ADAMTS19: variants seen among roughly 807,000 people sequenced by gnomAD.
The protein encoded by ADAMTS19 is A disintegrin and metalloproteinase with thrombospondin motifs 19.
In ADAMTS19, 93 loss-of-function variants were observed where a neutral mutation model predicts 153.3. The observed-to-expected ratio is 0.61, with a 90% confidence interval of 0.51 to 0.72. The LOEUF is 0.72. ADAMTS19 is among the 30% of genes least tolerant of loss of function. The pLI, the probability that ADAMTS19 is intolerant of heterozygous loss-of-function variation, is 0.00. For missense variants in ADAMTS19, 1,482 were observed against 1,552.1 expected (o/e 0.95, Z 0.76); for synonymous variants, 600 against 556.6 (o/e 1.08, Z -1.10).
chr5:129,567,760 A>T (rs1031817301), intron 7 of ADAMTS19, among the ~76,000 whole-genome samples: 16 of 152,070 alleles, frequency 1.1e-4, no homozygotes, highest in African/African-American at 2.9e-4. Flanking sequence ...AGAAAAAAAA[A>T]ATATGACTGA....
rs138738735 is a variant in ADAMTS19, at chr5:129,477,596, T to G, written c.747+15839T>G. Among the ~76,000 whole-genome samples, 24 of 152,370 alleles carry G rather than the reference T, an allele frequency of 1.6e-4. No homozygotes were observed. In the East Asian group the frequency reaches 3.7e-3, roughly 23 times the overall value. ...TACTAAAGCATCCTTGGGGACACCC[T>G]AACACTGCACATTAATATGGTTTAA... On this transcript the variant is annotated intron_variant, in intron 2 of 22. Transcript: ENST00000274487.
intron 3 of ADAMTS19, among the ~76,000 whole-genome samples, chr5:129,518,162 AG>A (rs1386482613): frequency 1.3e-5 from 2 of 151,996 alleles, no homozygotes; most frequent in Non-Finnish European, 2.9e-5. Flanking sequence ...TGTCTTGAAA[AG>A]TTTTTATAGT....
chr5:129,737,347 C>A lies in ADAMTS19; in HGVS notation c.*129C>A. 9.8e-7 allele frequency: 1 copy of A among 1,025,138 alleles called. No individual in the cohort carries two copies. Among genetic ancestry groups the A allele is most frequent in the Non-Finnish European group, 1.3e-6 (1 of 776,428 alleles). The allele number at this position is 1,025,138 out of a possible 1,614,324, so 63.5% of individuals were successfully genotyped here. A position where few individuals can be genotyped will look rare whatever the true frequency, so the allele number is the denominator to read the frequency against. ...TTAATCAAATTAATTTATTTTTTTG[C>A]CTGCCAAACATCCAATGTGGTGCTT... On this transcript the variant is annotated 3_prime_UTR_variant, in exon 23 of 23. Coordinates refer to ENST00000274487, the MANE Select transcript of ADAMTS19 (RefSeq NM_133638.6).
At chr5:129,520,560 G>A (rs552711569) in intron 3 of ADAMTS19, among the ~76,000 whole-genome samples, 1 of 152,124 alleles carries the variant, frequency 6.6e-6, no homozygotes, top group South Asian at 2.1e-4. Flanking sequence ...AACACCTTGA[G>A]GAAGAATTTG....
At chr5:129,633,964 C>T (rs981718337) in intron 10 of ADAMTS19, among the ~76,000 whole-genome samples, 13 of 151,974 alleles carry the variant, frequency 8.6e-5, no homozygotes, top group Admixed American at 3.9e-4. Flanking sequence ...CCAGTTGGCA[C>T]CTAATGTCAG....
intron 6 of ADAMTS19, among the ~76,000 whole-genome samples, chr5:129,541,457 C>T (rs1198576323): frequency 6.6e-6 from 1 of 151,952 alleles, no homozygotes; most frequent in Non-Finnish European, 1.5e-5. Context: ...ATTCTTGACC[C>T]TAAGGTGAAG....
At chr5:129,706,884 AT>A (rs974478302) in intron 21 of ADAMTS19, among the ~76,000 whole-genome samples, 41 of 152,098 alleles carry the variant, frequency 2.7e-4, no homozygotes, top group African/African-American at 9.2e-4. Flanking sequence ...ACTAAAAAAA[AT>A]TTTTTTCAGT....
rs145343559 is a variant in ADAMTS19 at position 129,569,713 on chromosome 5, A to G, written c.1372+17806A>G. ...ATGTTTGGAAAATAACAAATTCTCA[A>G]TAATTTATGGGTTGAATGAAACATT... On this transcript the variant is annotated intron_variant, in intron 7 of 22. Transcript: ENST00000274487. Among the ~76,000 whole-genome samples, 1,109 of 152,224 alleles carry G rather than the reference A, an allele frequency of 7.3e-3. 13 individuals carry two copies. The highest frequency in any genetic ancestry group is 0.025 in the African/African-American group (1,051 of 41,564).
chr5:129,523,766 G>T (rs1247183006), intron 3 of ADAMTS19, among the ~76,000 whole-genome samples: 1 of 151,874 alleles, frequency 6.6e-6, no homozygotes, highest in Non-Finnish European at 1.5e-5. Context: ...GGACATGAAG[G>T]ACCTCTTCAA....
At chr5:129,657,451 C>T (rs1037896262) in intron 14 of ADAMTS19, among the ~76,000 whole-genome samples, 6 of 152,150 alleles carry the variant, frequency 3.9e-5, no homozygotes, top group Admixed American at 3.3e-4. Flanking sequence ...TTATGTAATA[C>T]TACCATTTAT....
intron 10 of ADAMTS19, among the ~76,000 whole-genome samples, chr5:129,639,769 TTC>T (rs1465118543): frequency 3.9e-5 from 6 of 152,204 alleles, no homozygotes; most frequent in African/African-American, 1.4e-4. Context: ...AGAAAAATTC[TTC>T]TTTGAATTTT....
At chr5:129,607,804 T>C (rs542818715) in intron 8 of ADAMTS19, among the ~76,000 whole-genome samples, 1 of 151,812 alleles carries the variant, frequency 6.6e-6, no homozygotes, top group Non-Finnish European at 1.5e-5. Context: ...ATTGTAGTAA[T>C]AGGAATATTT....
chr5:129,702,941 A>AAAAAAAATATATATATATATAT, intron 20 of ADAMTS19, among the ~76,000 whole-genome samples: 4 of 29,306 alleles, frequency 1.4e-4, no homozygotes, highest in African/African-American at 2.6e-4. Context: ...AAAAAAAAAA[A>AAAAAAAATATATATATATATAT]ATATATATAT....
intron 6 of ADAMTS19, among the ~76,000 whole-genome samples, chr5:129,544,536 G>A (rs1017279451): frequency 2.6e-5 from 4 of 152,122 alleles, no homozygotes; most frequent in Non-Finnish European, 4.4e-5. Flanking sequence ...ATCAGAAAAT[G>A]TTCCCATTAT....
intron 7 of ADAMTS19, among the ~76,000 whole-genome samples, chr5:129,568,404 C>T (rs1753787485): frequency 1.3e-5 from 2 of 151,924 alleles, no homozygotes; most frequent in Admixed American, 6.6e-5. Context: ...ATTAAGCTTT[C>T]AATATTCCAT....
chr5:129,666,914 A>T (rs1754078216), intron 16 of ADAMTS19, among the ~76,000 whole-genome samples: 1 of 152,230 alleles, frequency 6.6e-6, no homozygotes, highest in East Asian at 1.9e-4. Context: ...TCTCAATTAT[A>T]CAAAATTCTA....
intron 3 of ADAMTS19, among the ~76,000 whole-genome samples, chr5:129,522,590 C>T (rs922006520): frequency 1.3e-5 from 2 of 151,628 alleles, no homozygotes; most frequent in Non-Finnish European, 2.9e-5. Context: ...GGATTTATTA[C>T]ATATTTTTAA....
intron 7 of ADAMTS19, among the ~76,000 whole-genome samples, chr5:129,569,556 G>T (rs933766611): frequency 6.6e-6 from 1 of 152,000 alleles, no homozygotes; most frequent in Non-Finnish European, 1.5e-5. Flanking sequence ...AAAGGGAAAG[G>T]AACATTTTCT....
chr5:129,486,951 T>A (rs531435073), intron 2 of ADAMTS19, among the ~76,000 whole-genome samples: 4 of 152,116 alleles, frequency 2.6e-5, no homozygotes, highest in Non-Finnish European at 5.9e-5. Context: ...AACCACTGAG[T>A]GTGCATGCAC....
Sources: gnomAD v4.1 joint callset for allele counts (sites outside exome capture counted in the v4.1 genomes callset) on GRCh38, gnomAD v4.1.1 for gene constraint, MANE v1.5 for transcripts, NCBI Gene and HGNC (gene_info 2026-07-23, HGNC 2026-07-21) for gene names.